DPY19L2: variants seen among roughly 807,000 people sequenced by gnomAD.
The protein encoded by DPY19L2 is dpy-19 like 2, also known as probable C-mannosyltransferase DPY19L2.
Under a neutral mutation model 97.9 loss-of-function variants are expected in DPY19L2, and 34 were observed. The ratio of observed to expected loss-of-function variants is 0.35; its 90% CI spans 0.26 to 0.46. The LOEUF is 0.46. Among genes scored for constraint, DPY19L2 ranks in the 20% least tolerant of loss-of-function variants. DPY19L2 has a pLI of 1.00. For missense variants in DPY19L2, 623 were observed against 911.4 expected (o/e 0.68, Z 4.07); for synonymous variants, 230 against 307.9 (o/e 0.75, Z 2.65).
chr12:63,606,604 T>C (rs1221545142), intron 12 of DPY19L2, among the ~76,000 whole-genome samples: 2 of 152,190 alleles, frequency 1.3e-5, no homozygotes, highest in Non-Finnish European at 2.9e-5. Flanking sequence ...ATTATCTTTA[T>C]CAGATATATG....
chr12:63,620,296 T>A (rs1888479566), intron 9 of DPY19L2: 1 of 196,452 alleles, frequency 5.1e-6, no homozygotes, highest in African/African-American at 2.4e-5. Context: ...ACAGAAATGG[T>A]TCCAGGTAAA....
chr12:63,592,340 A>C (rs1883246085), intron 16 of DPY19L2, among the ~76,000 whole-genome samples: 1 of 150,850 alleles, frequency 6.6e-6, no homozygotes, highest in East Asian at 1.9e-4. Context: ...AGTCAATCCT[A>C]AGCCAAAAGA....
intron 6 of DPY19L2, among the ~76,000 whole-genome samples, chr12:63,637,194 A>G (rs529531469): frequency 1.3e-5 from 2 of 152,326 alleles, no homozygotes; most frequent in South Asian, 4.1e-4. Context: ...TACTGGGTAC[A>G]TAACGAAATG....
intron 16 of DPY19L2, chr12:63,584,043 G>C: frequency 2.0e-6 from 1 of 500,360 alleles, no homozygotes; most frequent in South Asian, 2.6e-5. Flanking sequence ...TCCTATTCAA[G>C]ATATGTCAAA....
intron 6 of DPY19L2, among the ~76,000 whole-genome samples, chr12:63,633,146 T>C (rs1375161617): frequency 2.0e-5 from 3 of 152,142 alleles, no homozygotes; most frequent in African/African-American, 4.8e-5. Context: ...ATTCAGGACA[T>C]AGGCATGGGC....
intron 6 of DPY19L2, among the ~76,000 whole-genome samples, chr12:63,636,077 C>CT (rs1320835706): frequency 6.7e-6 from 1 of 149,680 alleles, no homozygotes; most frequent in Non-Finnish European, 1.5e-5. Flanking sequence ...AACAGCTGAT[C>CT]TCTTGGCAGA....
chr12:63,622,404 G>A (rs542193320), intron 8 of DPY19L2, among the ~76,000 whole-genome samples: 1 of 152,140 alleles, frequency 6.6e-6, no homozygotes, highest in East Asian at 1.9e-4. Context: ...TGAATGAGGA[G>A]GAGGTTCCTA....
chr12:63,580,462 G>A (rs1243769451), intron 19 of DPY19L2, among the ~76,000 whole-genome samples, 200 bp downstream of exon 19: 4 of 152,140 alleles, frequency 2.6e-5, no homozygotes, highest in African/African-American at 7.2e-5. Context: ...TAAAGGGGGT[G>A]CAAAATTGCC....
chr12:63,569,467 T>C, intron 20 of DPY19L2, 118 bp from the exon 21 acceptor site: 3 of 798,632 alleles, frequency 3.8e-6, no homozygotes, highest in Non-Finnish European at 5.5e-6. Context: ...CCGATATACA[T>C]GACTCAAAAC....
At chr12:63,636,105 G>GC (rs1555207371) in intron 6 of DPY19L2, among the ~76,000 whole-genome samples, 34 of 17,670 alleles carry the variant, frequency 1.9e-3, no homozygotes, top group African/African-American at 9.7e-3. Context: ...CAAGCCAGAA[G>GC]GGGGGGCGGC....
intron 16 of DPY19L2, 116 bp downstream of exon 16, chr12:63,593,971 C>T (rs1381054047): frequency 7.8e-6 from 5 of 641,126 alleles, no homozygotes; most frequent in Non-Finnish European, 1.3e-5. Context: ...GCTCATATTT[C>T]CTTTCTTAAT....
At chr12:63,632,378 A>G (rs1890852215) in intron 6 of DPY19L2, among the ~76,000 whole-genome samples, 3 of 152,202 alleles carry the variant, frequency 2.0e-5, no homozygotes, top group African/African-American at 7.2e-5. Flanking sequence ...CTCAGGATAC[A>G]AAATCAATGT....
At chr12:63,560,817 T>A (rs1263331260) in intron 21 of DPY19L2, among the ~76,000 whole-genome samples, 155 bp from the exon 22 acceptor site, 5 of 152,056 alleles carry the variant, frequency 3.3e-5, no homozygotes, top group Non-Finnish European at 5.9e-5. Flanking sequence ...TTTAGAAATT[T>A]AAAAAATAGA....
At chr12:63,627,694 T>C (rs1258125677) in intron 6 of DPY19L2, among the ~76,000 whole-genome samples, 1 of 152,164 alleles carries the variant, frequency 6.6e-6, no homozygotes, top group African/African-American at 2.4e-5. Flanking sequence ...TGTCTGTGTA[T>C]GAGAATGCAG....
intron 4 of DPY19L2, among the ~76,000 whole-genome samples, chr12:63,652,192 C>T (rs1894346129): frequency 1.3e-5 from 2 of 152,198 alleles, no homozygotes; most frequent in Non-Finnish European, 1.5e-5. Flanking sequence ...AAGTGTTCAA[C>T]ATCACTGATC....
At chr12:63,631,618 C>T (rs767917779) in intron 6 of DPY19L2, among the ~76,000 whole-genome samples, 1 of 152,046 alleles carries the variant, frequency 6.6e-6, no homozygotes, top group South Asian at 2.1e-4. Context: ...GAGTCACAGC[C>T]CAATTCTACT....
chr12:63,660,173 G>C (rs192487176), intron 4 of DPY19L2, among the ~76,000 whole-genome samples: 4 of 151,808 alleles, frequency 2.6e-5, no homozygotes, highest in African/African-American at 7.2e-5. Context: ...TCCACTTCTA[G>C]GTATATATCC....
At chr12:63,637,140 A>C (rs1362461858) in intron 6 of DPY19L2, among the ~76,000 whole-genome samples, 1 of 152,154 alleles carries the variant, frequency 6.6e-6, no homozygotes, top group Non-Finnish European at 1.5e-5. Context: ...CTCACTCAAA[A>C]CCACACAACT....
chr12:63,605,575 C>T (rs1160291657), intron 12 of DPY19L2, among the ~76,000 whole-genome samples: 1 of 152,162 alleles, frequency 6.6e-6, no homozygotes, highest in Non-Finnish European at 1.5e-5. Flanking sequence ...AACAAGGACA[C>T]ACTGGTAGTA....
Sources: gnomAD v4.1 joint callset for allele counts (sites outside exome capture counted in the v4.1 genomes callset) on GRCh38, gnomAD v4.1.1 for gene constraint, MANE v1.5 for transcripts, NCBI Gene and HGNC (gene_info 2026-07-23, HGNC 2026-07-21) for gene names.